The following PIR variants were observed in gnomAD, a reference collection of about 807,000 sequenced individuals.
The protein encoded by PIR is pirin.
PIR carries 22 observed loss-of-function variants against 24.2 expected under a neutral mutation model. The observed-to-expected ratio is 0.91, with a 90% CI of 0.65 to 1.30. The LOEUF is 1.30. PIR is among the 50% of genes most tolerant of loss of function. The pLI, the probability that PIR is intolerant of heterozygous loss-of-function variation, is 0.00. For synonymous variants in PIR, 80 were observed against 79.6 expected (o/e 1.00, Z -0.03); for missense variants, 220 against 220.3 (o/e 1.00, Z 0.01).
At position 15,486,894 on chromosome X, in the gene PIR, C is replaced by G. The variant is rs1922864557; in HGVS notation, c.96+4268G>C. ...TGTATATCATTGGTTTTGGATGATG[C>G]TTTCTGTTACACACAGTTGAACCTA... On this transcript the variant is annotated intron_variant, in intron 2 of 9. Coordinates refer to ENST00000380420, the MANE Select transcript of PIR (RefSeq NM_001018109.3). Among the ~76,000 whole-genome samples the G allele has an allele frequency of 3.6e-5, 4 of 112,291 alleles. No individual in the cohort carries two copies. The Admixed American group carries it at 3.8e-4, about 11-fold the overall frequency.
chrX:15,447,742 T>C (rs1926156897), intron 5 of PIR, among the ~76,000 whole-genome samples: 1 of 111,964 alleles, frequency 8.9e-6, no homozygotes, highest in Non-Finnish European at 1.9e-5. Context: ...TTTTCTGTGG[T>C]TAGAAAAAAT....
chrX:15,464,412 T>A (rs925387876), intron 3 of PIR: 99 of 752,758 alleles, frequency 1.3e-4, no homozygotes, highest in Non-Finnish European at 1.5e-4. Flanking sequence ...CTGCCGCTAA[T>A]CAGTGGATGA....
chrX:15,463,564 T>C (rs1017527372), intron 3 of PIR, among the ~76,000 whole-genome samples: 1 of 111,859 alleles, frequency 8.9e-6, no homozygotes, highest in South Asian at 3.7e-4. Flanking sequence ...ATCATTGAGG[T>C]ATACTGTGAA....
intron 3 of PIR, among the ~76,000 whole-genome samples, chrX:15,473,597 C>T (rs1316978433): frequency 9.1e-6 from 1 of 110,280 alleles, no homozygotes; most frequent in African/African-American, 3.3e-5. Context: ...TTGCTCGTTG[C>T]CCAGGGTGGA....
In PIR at chrX:15,385,112, T is replaced by C; in HGVS notation, c.765A>G (p.Pro255=). ...PLREPVIQHG[P]FVMNTNEEIS... ...TCTCTTCATTGGTGTTCATCACAAA[T>C]GGACCTAGGGCAGAAAGAGACATTC... is the stretch of plus-strand genomic sequence containing the variant. The change falls in exon 10 of 10, where the codon CCA becomes CCG. Residue 255 remains proline, a synonymous_variant. Coordinates refer to ENST00000380420, the MANE Select transcript of PIR (RefSeq NM_001018109.3). 3 of 1,099,655 alleles carry C rather than the reference T, an allele frequency of 2.7e-6. No homozygotes were observed. The highest frequency in any genetic ancestry group is 3.8e-6 in the Non-Finnish European group (3 of 796,527). The allele number at this position is 1,099,655 out of a possible 1,213,427, so 90.6% of individuals were successfully genotyped here.
intron 3 of PIR, among the ~76,000 whole-genome samples, chrX:15,463,819 C>T (rs949603041): frequency 8.9e-6 from 1 of 112,154 alleles, no homozygotes; most frequent in Admixed American, 9.4e-5. Flanking sequence ...AACAAATGAC[C>T]ATATGAGAAA....
intron 7 of PIR, among the ~76,000 whole-genome samples, chrX:15,402,514 T>C (rs1924422864): frequency 8.9e-6 from 1 of 112,061 alleles, no homozygotes; most frequent in Non-Finnish European, 1.9e-5. Context: ...ATTTATACTT[T>C]GTGTTACAAA....
Position 15,486,465 on chromosome X carries a change from G to A in PIR, c.96+4697C>T, listed in dbSNP as rs746931749. On this transcript the variant is annotated intron_variant, in intron 2 of 9. Transcript: ENST00000380420. The stretch of plus-strand genomic sequence containing the variant: ...GGCCGATGCTATGCTTTTTTATGAT[G>A]CTCCACTGAACTTACAATAATTCTG... 8.2e-5 allele frequency among the ~76,000 whole-genome samples: 9 copies of A among 110,016 alleles called. No individual in the cohort carries two copies. The East Asian group carries it at 8.6e-4, about 11-fold the overall frequency.
At chrX:15,438,719 G>A (rs1247788054) in intron 5 of PIR, among the ~76,000 whole-genome samples, 1 of 111,251 alleles carries the variant, frequency 9.0e-6, no homozygotes, top group East Asian at 2.8e-4. Flanking sequence ...TGTCCTAGCC[G>A]ACTGTCAAGT....
rs911518552 is a variant in PIR, at chrX:15,386,356, T to C, written c.761-1240A>G. ...AAATCTTTGGAGAGGATGTGGGGAA[T>C]AGAATACAAGTAGAAAGAAAACACC... is the stretch of plus-strand genomic sequence containing the variant. On this transcript the variant is annotated intron_variant, in intron 9 of 9. Coordinates refer to ENST00000380420, the MANE Select transcript of PIR (RefSeq NM_001018109.3). Among the ~76,000 whole-genome samples, 14 of 111,837 alleles carry C rather than the reference T, an allele frequency of 1.3e-4. No individual in the cohort carries two copies. The Admixed American group carries it at 1.3e-3, about 11-fold the overall frequency.
At position 15,397,507 on chromosome X, in the gene PIR, A is replaced by G. The variant is rs1924208044; in HGVS notation, c.635T>C (p.Ile212Thr). Reference protein sequence around the residue: ...YIGPDDAQQKIEPHHTAVLGE... With the variant: ...YIGPDDAQQKTEPHHTAVLGE... Reference sequence around the variant, plus strand: ...AAGCACTGCTGTGTGATGAGGTTCTATTTTTTGTTGTGCATCATCGGGCCC... The same window carrying G: ...AAGCACTGCTGTGTGATGAGGTTCTGTTTTTTGTTGTGCATCATCGGGCCC... Residue 212 changes from isoleucine to threonine, a missense_variant, in exon 8 of 10, where the codon ATA becomes ACA. Coordinates refer to ENST00000380420, the MANE Select transcript of PIR (RefSeq NM_001018109.3). 8.3e-7 allele frequency: 1 copy of G among 1,207,035 alleles called. No individual in the cohort carries two copies. Among genetic ancestry groups the G allele is most frequent in the Non-Finnish European group, 1.1e-6 (1 of 891,141 alleles).
At chrX:15,428,836 C>T (rs112323530) in intron 5 of PIR, among the ~76,000 whole-genome samples, 5,858 of 111,596 alleles carry the variant, frequency 0.052, 381 homozygotes, top group African/African-American at 0.18. Flanking sequence ...TGCTGACCAA[C>T]GAAACACTTA....
intron 7 of PIR, among the ~76,000 whole-genome samples, chrX:15,405,865 A>C (rs1924534969): frequency 8.9e-6 from 1 of 112,928 alleles, no homozygotes; most frequent in African/African-American, 3.2e-5. Flanking sequence ...AAGGGAACTA[A>C]GCCCATTTGT....
rs188034332 is a variant in PIR, at chrX:15,468,231, C to T, written c.190-8491G>A. Among the ~76,000 whole-genome samples the T allele has an allele frequency of 5.4e-3, 610 of 112,519 alleles. 6 individuals are homozygous for T. The highest frequency in any genetic ancestry group is 0.019 in the African/African-American group (590 of 30,989). ...ACCTCACCAAACCAGACCTATGTCT[C>T]GCCAACAGATCCACTGATTACTAAA... On this transcript the variant is annotated intron_variant, in intron 3 of 9. Coordinates refer to ENST00000380420, the MANE Select transcript of PIR (RefSeq NM_001018109.3).
chrX:15,430,902 C>A (rs1925484747), intron 5 of PIR, among the ~76,000 whole-genome samples: 1 of 111,934 alleles, frequency 8.9e-6, no homozygotes, highest in Non-Finnish European at 1.9e-5. Flanking sequence ...CAGATAACTG[C>A]TGCCCATTGA....
Position 15,451,091 on chromosome X carries a change from G to A in PIR, c.480+4757C>T, listed in dbSNP as rs566070770. On this transcript the variant is annotated intron_variant, in intron 5 of 9. Coordinates refer to ENST00000380420, the MANE Select transcript of PIR (RefSeq NM_001018109.3). ...CCAACACAGGCCAATTAGTGGGCAG[G>A]TTGCTCGTTGACTAGGAAAGAATTG... 1.1e-4 allele frequency among the ~76,000 whole-genome samples: 12 copies of A among 111,844 alleles called. No individual in the cohort carries two copies. The South Asian group carries it at 3.8e-3, about 35-fold the overall frequency.
chrX:15,437,191 G>A (rs1028680438), intron 5 of PIR, among the ~76,000 whole-genome samples: 5 of 112,114 alleles, frequency 4.5e-5, no homozygotes, highest in Non-Finnish European at 9.4e-5. Flanking sequence ...CCTTGGGAAA[G>A]ACTTTTTGCC....
At chrX:15,424,154 C>T (rs909182639) in intron 6 of PIR, among the ~76,000 whole-genome samples, 4 of 108,658 alleles carry the variant, frequency 3.7e-5, no homozygotes, top group Admixed American at 1.0e-4. Flanking sequence ...ATGTACAAAA[C>T]GTAGAATCAA....
At chrX:15,466,156 T>A (rs1197217420) in intron 3 of PIR, among the ~76,000 whole-genome samples, 2 of 110,165 alleles carry the variant, frequency 1.8e-5, no homozygotes, top group East Asian at 5.7e-4. Flanking sequence ...TTCAAGGATG[T>A]CTGAATCCAT....
Sources: gnomAD v4.1 joint callset for allele counts (sites outside exome capture counted in the v4.1 genomes callset) on GRCh38, gnomAD v4.1.1 for gene constraint, MANE v1.5 for transcripts, NCBI Gene and HGNC (gene_info 2026-07-23, HGNC 2026-07-21) for gene names.